ZNF282: variants seen among roughly 807,000 people sequenced by gnomAD.
The protein encoded by ZNF282 is HTLV-I U5 repressive element-binding protein 1.
Under a neutral mutation model 61.9 loss-of-function variants are expected in ZNF282, and 30 were observed. That is an observed-to-expected ratio of 0.48 (90% CI 0.36 to 0.66). ZNF282 has a LOEUF of 0.66. ZNF282 is among the 30% of genes least tolerant of loss of function. ZNF282 has a pLI of 0.00. For missense variants in ZNF282, 788 were observed against 941.4 expected (o/e 0.84, Z 2.13); for synonymous variants, 396 against 405.0 (o/e 0.98, Z 0.27).
intron 1 of ZNF282, among the ~76,000 whole-genome samples, chr7:149,196,088 G>A (rs1795812363): frequency 6.6e-6 from 1 of 152,076 alleles, no homozygotes; most frequent in Non-Finnish European, 1.5e-5. Flanking sequence ...CCGGCTTGGG[G>A]CTCCCTTTGC....
rs577040092 is a variant in ZNF282, at chr7:149,206,572, C to T, written c.586-124C>T. On this transcript the variant is annotated intron_variant, in intron 2 of 7. Transcript: ENST00000610704. ...ACTCCACTGAGATGGACAGTGGGGA[C>T]TGGGGAGCCACGGAGAGCAAAGGCC... 143 of 1,434,294 alleles carry T rather than the reference C, an allele frequency of 1.0e-4. No individual in the cohort carries two copies. In the African/African-American group the frequency reaches 2.0e-3, roughly 20 times the overall value. 88.8% of individuals were successfully genotyped at this position (1,434,294 alleles called of 1,614,324 possible). A position where few individuals can be genotyped will look rare whatever the true frequency, so the allele number is the denominator to read the frequency against.
At chr7:149,207,562 T>C in intron 4 of ZNF282, 92 bp downstream of exon 4, 1 of 1,512,832 alleles carries the variant, frequency 6.6e-7, no homozygotes, top group East Asian at 2.5e-5. Flanking sequence ...CGCCACTGTG[T>C]GTGCACCATG....
chr7:149,207,403 G>T lies in ZNF282; in HGVS notation c.765G>T (p.Arg255Ser), dbSNP rs1179129538. 2 of 1,578,788 alleles carry T rather than the reference G, an allele frequency of 1.3e-6. No individual in the cohort carries two copies. Among genetic ancestry groups the T allele is most frequent in the South Asian group, 2.3e-5 (2 of 86,582 alleles). The change falls in exon 4 of 8, where the codon AGG (arginine) becomes AGT (serine). Residue 255 changes from arginine to serine, a missense_variant. Physicochemically the swap from Arg to Ser is moderately radical, Grantham distance 110. Coordinates refer to ENST00000610704, the MANE Select transcript of ZNF282 (RefSeq NM_003575.4). ...KPDAPVQAEP[R>S]EEPCVWEQRH... ...ATGCTCCAGTCCAGGCTGAGCCCAG[G>T]GAAGAACCTTGTGTGTGGGAGCAGC...
intron 7 of ZNF282, among the ~76,000 whole-genome samples, chr7:149,219,841 G>T (rs1796210281): frequency 2.6e-5 from 4 of 151,594 alleles, no homozygotes; most frequent in Non-Finnish European, 1.5e-5. Context: ...AGCAAGACTT[G>T]GTCTCAAAAA....
At position 149,223,927 on chromosome 7, in the gene ZNF282, C is replaced by G. The variant is rs2129523786; in HGVS notation, c.1296C>G (p.Pro432=). ...AGCCCCAGCCCCAGAGCCTGCCCCC[C>G]ATCGCGGTGGCCGAGAACCCGGGCG... The part of the protein sequence containing the change: ...QSQPQPQSLP[P]IAVAENPGGP... The change falls in exon 8 of 8, where the codon CCC becomes CCG. Residue 432 remains proline (P), a synonymous_variant. Coordinates refer to ENST00000610704, the MANE Select transcript of ZNF282 (RefSeq NM_003575.4). 7 of 1,334,328 alleles carry G rather than the reference C, an allele frequency of 5.2e-6. No homozygotes were observed. The highest frequency in any genetic ancestry group is 6.7e-6 in the Non-Finnish European group (7 of 1,045,640). 82.7% of individuals were successfully genotyped at this position (1,334,328 alleles called of 1,614,324 possible).
chr7:149,205,295 G>A (rs1047342957), intron 2 of ZNF282, among the ~76,000 whole-genome samples: 47 of 150,150 alleles, frequency 3.1e-4, no homozygotes, highest in Admixed American at 2.3e-3. Flanking sequence ...AAAATTAGCC[G>A]GGCGTGGTGG....
At chr7:149,222,221 G>A (rs757051634) in intron 7 of ZNF282, among the ~76,000 whole-genome samples, 5 of 152,214 alleles carry the variant, frequency 3.3e-5, no homozygotes, top group Admixed American at 1.3e-4. Flanking sequence ...TCCTGGGGTG[G>A]TAGGTTGGGT....
chr7:149,211,396 G>A (rs1414665869), intron 5 of ZNF282, among the ~76,000 whole-genome samples: 6 of 152,170 alleles, frequency 3.9e-5, no homozygotes, highest in African/African-American at 1.4e-4. Flanking sequence ...GGCTGCTGGA[G>A]CCTGCAGGCA....
intron 7 of ZNF282, among the ~76,000 whole-genome samples, chr7:149,219,092 C>G (rs60477284): frequency 4.7e-4 from 71 of 152,314 alleles, no homozygotes; most frequent in African/African-American, 1.6e-3. Context: ...AGGTTCAGCT[C>G]AGTCTCCAGC....
chr7:149,220,007 G>A (rs952733085), intron 7 of ZNF282, among the ~76,000 whole-genome samples: 15 of 152,312 alleles, frequency 9.8e-5, no homozygotes, highest in Admixed American at 3.9e-4. Context: ...GCTGGGGCAC[G>A]GGCCACATGG....
At position 149,197,235 on chromosome 7, in the gene ZNF282, C is replaced by G. The variant is rs114418859; in HGVS notation, c.166-1098C>G. On this transcript the variant is annotated intron_variant, in intron 1 of 7. Coordinates refer to ENST00000610704, the MANE Select transcript of ZNF282 (RefSeq NM_003575.4). ...CCCCAGGCCATGGGGCACCCCTTCCCCAGGAAGCAAGGAGGGGTCCCAGAG... is the reference window on the plus strand; with the variant it reads ...CCCCAGGCCATGGGGCACCCCTTCCGCAGGAAGCAAGGAGGGGTCCCAGAG... 1.6e-3 allele frequency among the ~76,000 whole-genome samples: 242 copies of G among 152,346 alleles called. 2 individuals are homozygous for G. The highest frequency in any genetic ancestry group is 5.6e-3 in the African/African-American group (231 of 41,576).
In ZNF282 at chr7:149,224,218, G is replaced by A; in HGVS notation, c.1587G>A (p.Val529=). ...SCPECGKSFG[V]RKSLIIHHRS... ...CCGAGTGCGGCAAGAGCTTCGGCGT[G>A]CGCAAGAGCCTCATCATCCACCACC... Residue 529 remains valine, a synonymous_variant, in exon 8 of 8, where the codon GTG becomes GTA. Transcript: ENST00000610704. 1 of 1,606,970 alleles carries A rather than the reference G, an allele frequency of 6.2e-7. No individual in the cohort carries two copies. Among genetic ancestry groups the A allele is most frequent in the Non-Finnish European group, 8.5e-7 (1 of 1,178,986 alleles).
rs767480357 is a variant in ZNF282, at chr7:149,224,545, C to T, written c.1914C>T (p.Ser638=). ...ACACGTGCGGCGAGTGCGGCAAGAG[C>T]TTCCGCTACAAGGAGTCGCTCAAGG... The part of the protein sequence containing the change: ...RPYTCGECGK[S]FRYKESLKDH... Residue 638 remains serine, a synonymous_variant, in exon 8 of 8, where the codon AGC becomes AGT. Transcript: ENST00000610704. 4 of 1,610,102 alleles carry T rather than the reference C, an allele frequency of 2.5e-6. No individual in the cohort carries two copies. The highest frequency in any genetic ancestry group is 3.4e-6 in the Non-Finnish European group (4 of 1,179,584).
At position 149,224,434 on chromosome 7, in the gene ZNF282, T is replaced by G. The variant is rs757251145; in HGVS notation, c.1803T>G (p.Pro601=). ...NHQRLHTGER[P]FQCALCGKSF... ...AGCGGCTGCACACGGGCGAGCGGCC[T>G]TTCCAATGTGCACTGTGCGGCAAGA... Residue 601 remains proline, a synonymous_variant, in exon 8 of 8, where the codon CCT becomes CCG. Coordinates refer to ENST00000610704, the MANE Select transcript of ZNF282 (RefSeq NM_003575.4). 1.2e-6 allele frequency: 2 copies of G among 1,612,496 alleles called. No homozygotes were observed. Among genetic ancestry groups the G allele is most frequent in the Admixed American group, 3.3e-5 (2 of 59,862 alleles).
At position 149,223,803 on chromosome 7, in the gene ZNF282, T is replaced by A; in HGVS notation, c.1181-9T>A. The A allele has an allele frequency of 6.7e-7, 1 of 1,484,738 alleles. No homozygotes were observed. The highest frequency in any genetic ancestry group is 1.4e-5 in the African/African-American group (1 of 68,972). The allele number at this position is 1,484,738 out of a possible 1,614,324, so 92.0% of individuals were successfully genotyped here. ...CCTGTCAGCATGTCACTTCTTCCTATCTCCCCAGGTGACAGCCTGCTGATG... is the reference window on the plus strand; with the variant it reads ...CCTGTCAGCATGTCACTTCTTCCTAACTCCCCAGGTGACAGCCTGCTGATG... On this transcript the variant is annotated splice_polypyrimidine_tract_variant and intron_variant, in intron 7 of 7. Coordinates refer to ENST00000610704, the MANE Select transcript of ZNF282 (RefSeq NM_003575.4).
rs980334030 is a variant in ZNF282, at chr7:149,225,378, C to G, written c.*731C>G. On this transcript the variant is annotated 3_prime_UTR_variant, in exon 8 of 8. Transcript: ENST00000610704. ...TCTCACCCACGGATAAAACCAGAAG[C>G]GACAGGAGGCCAGCTCCTGGGGTTC... 6.6e-6 allele frequency: 1 copy of G among 152,244 alleles called. No individual in the cohort carries two copies. Among genetic ancestry groups the G allele is most frequent in the African/African-American group, 2.4e-5 (1 of 41,446 alleles). 9.4% of individuals were successfully genotyped at this position (152,244 alleles called of 1,614,324 possible). A position where few individuals can be genotyped will look rare whatever the true frequency, so the allele number is the denominator to read the frequency against.
chr7:149,222,508 T>C (rs1478852160), intron 7 of ZNF282, among the ~76,000 whole-genome samples: 3 of 152,162 alleles, frequency 2.0e-5, no homozygotes, highest in Non-Finnish European at 4.4e-5. Flanking sequence ...GCATTGTCAG[T>C]GTGTGTGCTG....
At position 149,210,690 on chromosome 7, in the gene ZNF282, C is replaced by T. The variant is rs779975646; in HGVS notation, c.938C>T (p.Thr313Met). ...GGCCTGGAGGAAAGAGCCATCCCTA[C>T]GGAATCCATTACCGGTGAGTGAGCC... ...QRGLEERAIP[T>M]ESITDSPISA... The change falls in exon 5 of 8, where the codon ACG becomes ATG. Residue 313 changes from threonine (T) to methionine (M), a missense_variant. By Grantham distance (81) the Thr-to-Met change is moderately conservative. Transcript: ENST00000610704. 2.5e-5 allele frequency: 40 copies of T among 1,601,532 alleles called. No homozygotes were observed. The highest frequency in any genetic ancestry group is 7.9e-5 in the South Asian group (7 of 88,908).
chr7:149,206,961 A>G, intron 3 of ZNF282, 139 bp downstream of exon 3: 1 of 1,233,636 alleles, frequency 8.1e-7, no homozygotes, highest in Non-Finnish European at 1.1e-6. Flanking sequence ...TTTGCTTATA[A>G]TGCTAGTAGG....
Sources: gnomAD v4.1 joint callset for allele counts (sites outside exome capture counted in the v4.1 genomes callset) on GRCh38, gnomAD v4.1.1 for gene constraint, MANE v1.5 for transcripts, NCBI Gene and HGNC (gene_info 2026-07-23, HGNC 2026-07-21) for gene names.